The following SLC17A1 variants were observed in gnomAD, a reference collection of about 807,000 sequenced individuals.
SLC17A1 encodes sodium-dependent phosphate transport protein 1.
Under a neutral mutation model 53.5 loss-of-function variants are expected in SLC17A1, and 51 were observed. The observed-to-expected ratio is 0.95, with a 90% CI of 0.76 to 1.20. SLC17A1 has a LOEUF of 1.20. SLC17A1 is among the 50% of genes most tolerant of loss of function. SLC17A1 has a pLI of 0.00. For missense variants in SLC17A1, 538 were observed against 568.2 expected (o/e 0.95, Z 0.54); for synonymous variants, 179 against 198.8 (o/e 0.90, Z 0.84).
intron 10 of SLC17A1, among the ~76,000 whole-genome samples, chr6:25,806,863 T>G (rs995830992): frequency 2.6e-5 from 4 of 151,802 alleles, no homozygotes; most frequent in Non-Finnish European, 4.4e-5. Context: ...AGTGGGCAAT[T>G]GGCATGAATA....
intron 10 of SLC17A1, 67 bp downstream of exon 10, chr6:25,811,331 G>A: frequency 6.8e-7 from 1 of 1,465,098 alleles, no homozygotes; most frequent in East Asian, 2.3e-5. Flanking sequence ...TCATCATGTT[G>A]TGCACAATAA....
chr6:25,818,169 G>A (rs1156330911), intron 6 of SLC17A1, among the ~76,000 whole-genome samples: 1 of 152,162 alleles, frequency 6.6e-6, no homozygotes, highest in African/African-American at 2.4e-5. Context: ...AGAGATGAGA[G>A]GGAGAGAATT....
downstream of SLC17A1, among the ~76,000 whole-genome samples, chr6:25,782,007 C>T (rs903570299): frequency 2.6e-5 from 4 of 152,164 alleles, no homozygotes; most frequent in Non-Finnish European, 5.9e-5. Flanking sequence ...ATGCAAAAAA[C>T]ACAAAGCACT....
the SLC17A1 span, chr6:25,768,285 T>C: frequency 5.3e-6 from 4 of 758,814 alleles, no homozygotes; most frequent in African/African-American, 5.7e-5. Flanking sequence ...ACCAAGAAAA[T>C]GGCATCTTCA....
the SLC17A1 span, chr6:25,726,222 G>T: frequency 6.2e-7 from 1 of 1,612,704 alleles, no homozygotes; most frequent in Non-Finnish European, 8.5e-7. Flanking sequence ...CCTGGGCAAT[G>T]GTCACGCCGC....
chr6:25,728,124 A>G, the SLC17A1 span, among the ~76,000 whole-genome samples: 1 of 152,204 alleles, frequency 6.6e-6, no homozygotes, highest in Non-Finnish European at 1.5e-5. Flanking sequence ...CATAGACAGT[A>G]TAACTTGCAT....
At chr6:25,809,415 G>T (rs1056968790) in intron 10 of SLC17A1, among the ~76,000 whole-genome samples, 1 of 151,870 alleles carries the variant, frequency 6.6e-6, no homozygotes, top group Non-Finnish European at 1.5e-5. Flanking sequence ...TTTTAGCAAC[G>T]CTTTTGAGAG....
chr6:25,820,595 T>A (rs1764518117), intron 3 of SLC17A1, among the ~76,000 whole-genome samples: 1 of 152,102 alleles, frequency 6.6e-6, no homozygotes, highest in African/African-American at 2.4e-5. Context: ...TATTAAAGAA[T>A]GATGGCCGGG....
At chr6:25,772,683 T>C in the SLC17A1 span, among the ~76,000 whole-genome samples, 1 of 152,148 alleles carries the variant, frequency 6.6e-6, no homozygotes, top group African/African-American at 2.4e-5. Flanking sequence ...CTTATGTGCT[T>C]TGAGGAAGAT....
chr6:25,787,041 G>GAAATAAATAAATAAAT (rs3034353), intron 12 of SLC17A1, among the ~76,000 whole-genome samples: 50 of 149,462 alleles, frequency 3.3e-4, no homozygotes, highest in African/African-American at 7.7e-4. Flanking sequence ...GCTTAACAAG[G>GAAATAAATAAATAAAT]AAATAAATAA....
the SLC17A1 span, chr6:25,761,807 A>G: frequency 5.0e-6 from 3 of 595,214 alleles, no homozygotes; most frequent in East Asian, 9.0e-5. Context: ...GTTAGTTTTC[A>G]TAAACCCTAA....
At chr6:25,772,739 A>G in the SLC17A1 span, among the ~76,000 whole-genome samples, 3 of 152,224 alleles carry the variant, frequency 2.0e-5, no homozygotes, top group African/African-American at 7.2e-5. Flanking sequence ...AACTCTGCAA[A>G]GCATGACTAG....
intron 10 of SLC17A1, among the ~76,000 whole-genome samples, chr6:25,810,482 T>C (rs1764114831): frequency 6.6e-6 from 1 of 151,876 alleles, no homozygotes; most frequent in Non-Finnish European, 1.5e-5. Flanking sequence ...AGATATACTA[T>C]CAACAGGTAT....
At chr6:25,745,760 C>G in the SLC17A1 span, among the ~76,000 whole-genome samples, 1 of 152,218 alleles carries the variant, frequency 6.6e-6, no homozygotes, top group African/African-American at 2.4e-5. Context: ...AGGAACTAAT[C>G]CGTTACTCAC....
the SLC17A1 span, chr6:25,731,672 A>G: frequency 1.4e-6 from 1 of 709,554 alleles, no homozygotes; most frequent in African/African-American, 1.8e-5. Context: ...CAGTCTGGCA[A>G]CGAGGCATAC....
chr6:25,726,204 G>A, the SLC17A1 span: 3 of 1,606,052 alleles, frequency 1.9e-6, no homozygotes, highest in African/African-American at 2.7e-5. Context: ...TGTTAGGCAG[G>A]ACTCCGCCCT....
At chr6:25,813,685 T>C (rs529615060) in intron 6 of SLC17A1, among the ~76,000 whole-genome samples, 7 of 152,316 alleles carry the variant, frequency 4.6e-5, no homozygotes, top group Non-Finnish European at 8.8e-5. Context: ...GTATTAAGCC[T>C]AGTATCCATT....
chr6:25,731,010 A>T, the SLC17A1 span, among the ~76,000 whole-genome samples: 1 of 152,234 alleles, frequency 6.6e-6, no homozygotes, highest in Non-Finnish European at 1.5e-5. Context: ...AACCATGTGA[A>T]TAGGGTGGTA....
chr6:25,812,785 CAG>C (rs1764203310), intron 8 of SLC17A1, 44 bp downstream of exon 8: 1 of 1,442,104 alleles, frequency 6.9e-7, no homozygotes, highest in Non-Finnish European at 9.5e-7. Flanking sequence ...CAAATGTACA[CAG>C]AGTCTTTCGT....
Sources: gnomAD v4.1 joint callset for allele counts (sites outside exome capture counted in the v4.1 genomes callset) on GRCh38, gnomAD v4.1.1 for gene constraint, MANE v1.5 for transcripts, NCBI Gene and HGNC (gene_info 2026-07-23, HGNC 2026-07-21) for gene names.